The following C9orf153 variants were observed in gnomAD, a reference collection of about 807,000 sequenced individuals.
C9orf153 encodes uncharacterized protein C9orf153.
C9orf153 carries 10 observed loss-of-function variants against 9.0 expected under a neutral mutation model. The ratio of observed to expected loss-of-function variants is 1.11; its 90% CI spans 0.69 to 1.89. The LOEUF is 1.89. C9orf153 is among the 40% of genes most tolerant of loss of function. C9orf153 has a pLI of 0.00. For synonymous variants in C9orf153, 35 were observed against 37.3 expected (o/e 0.94, Z 0.23); for missense variants, 108 against 111.0 (o/e 0.97, Z 0.12).
chr9:86,242,591 T>A (rs537234154), intron 1 of C9orf153, among the ~76,000 whole-genome samples: 1 of 152,336 alleles, frequency 6.6e-6, no homozygotes, highest in South Asian at 2.1e-4. Context: ...TGAGGCCAAA[T>A]ATGTATTTTA....
At chr9:86,241,002 G>A (rs1341382930) in intron 1 of C9orf153, among the ~76,000 whole-genome samples, 1 of 151,624 alleles carries the variant, frequency 6.6e-6, no homozygotes, top group Non-Finnish European at 1.5e-5. Context: ...CCACTGTGCC[G>A]GCCCTAATTT....
At chr9:86,252,449 A>G (rs950880225) in intron 1 of C9orf153, among the ~76,000 whole-genome samples, 2 of 152,238 alleles carry the variant, frequency 1.3e-5, no homozygotes, top group Admixed American at 6.5e-5. Context: ...GACTTATTTT[A>G]CAGTGACCTG....
chr9:86,227,293 C>T (rs779224955), intron 3 of C9orf153: 1 of 1,422,318 alleles, frequency 7.0e-7, no homozygotes, highest in South Asian at 1.6e-5. Context: ...ATTACAGGCA[C>T]ATGCCACCAA....
chr9:86,259,460 C>T (rs1032664670), intron 1 of C9orf153, 90 bp downstream of exon 1: 17 of 152,584 alleles, frequency 1.1e-4, no homozygotes, highest in Admixed American at 1.3e-4. Flanking sequence ...CCACCTCACT[C>T]CATCTCTCCT....
intron 1 of C9orf153, among the ~76,000 whole-genome samples, chr9:86,235,282 C>G (rs1382575579): frequency 1.3e-5 from 2 of 152,028 alleles, no homozygotes; most frequent in Non-Finnish European, 2.9e-5. Context: ...CAAGAATAGA[C>G]AGGTATATAA....
intron 3 of C9orf153, among the ~76,000 whole-genome samples, chr9:86,226,988 A>G (rs533270529): frequency 1.3e-5 from 2 of 152,108 alleles, no homozygotes; most frequent in East Asian, 3.9e-4. Context: ...CTGGTCCCGA[A>G]CTCCTGACCT....
chr9:86,240,244 A>G (rs191067545), intron 1 of C9orf153, among the ~76,000 whole-genome samples: 70 of 152,326 alleles, frequency 4.6e-4, no homozygotes, highest in Middle Eastern at 3.4e-3. Flanking sequence ...CAAAGAGCTT[A>G]TAAGTGGCGA....
intron 1 of C9orf153, among the ~76,000 whole-genome samples, chr9:86,230,722 A>G (rs1824451438): frequency 6.6e-6 from 1 of 152,240 alleles, no homozygotes; most frequent in African/African-American, 2.4e-5. Flanking sequence ...GCTCATATGT[A>G]ATGATAATAA....
intron 1 of C9orf153, among the ~76,000 whole-genome samples, chr9:86,255,890 G>T (rs2131211051): frequency 6.6e-6 from 1 of 152,266 alleles, no homozygotes; most frequent in Admixed American, 6.5e-5. Flanking sequence ...AGCTCATCTG[G>T]CCAGGTCTTA....
At chr9:86,238,538 A>T (rs1824655245) in intron 1 of C9orf153, among the ~76,000 whole-genome samples, 1 of 152,258 alleles carries the variant, frequency 6.6e-6, no homozygotes, top group South Asian at 2.1e-4. Flanking sequence ...ATACATCTAT[A>T]GTGAAGGCTT....
At chr9:86,245,201 A>G (rs1824839327) in intron 1 of C9orf153, among the ~76,000 whole-genome samples, 1 of 152,364 alleles carries the variant, frequency 6.6e-6, no homozygotes, top group East Asian at 1.9e-4. Context: ...TGCTGGGATT[A>G]CAGGCATGAG....
At chr9:86,251,942 C>CACACACACACGA (rs367793280) in intron 1 of C9orf153, among the ~76,000 whole-genome samples, 10 of 149,746 alleles carry the variant, frequency 6.7e-5, no homozygotes, top group African/African-American at 2.0e-4. Flanking sequence ...CACACACACA[C>CACACACACACGA]GAGAGAGAGA....
intron 1 of C9orf153, among the ~76,000 whole-genome samples, chr9:86,236,940 A>C (rs1451176288): frequency 7.7e-6 from 1 of 130,054 alleles, no homozygotes; most frequent in African/African-American, 3.5e-5. Context: ...GTCTCTAAAT[A>C]AAAAAAAAAA....
At chr9:86,226,878 C>T (rs921860072) in intron 3 of C9orf153, among the ~76,000 whole-genome samples, 2 of 152,158 alleles carry the variant, frequency 1.3e-5, no homozygotes, top group Non-Finnish European at 2.9e-5. Flanking sequence ...AATTCTCCTG[C>T]CTCAGCCTCC....
intron 2 of C9orf153, chr9:86,228,876 G>A (rs1182414902): frequency 1.4e-5 from 3 of 219,550 alleles, no homozygotes; most frequent in East Asian, 1.1e-4. Context: ...AAGAGTCTGC[G>A]GCTACAGAGG....
chr9:86,246,369 C>T (rs141545166), intron 1 of C9orf153, among the ~76,000 whole-genome samples: 329 of 152,252 alleles, frequency 2.2e-3, no homozygotes, highest in African/African-American at 7.3e-3. Context: ...AAACCTTCTG[C>T]AGTGCAGCCA....
At chr9:86,243,160 G>A (rs1824786177) in intron 1 of C9orf153, among the ~76,000 whole-genome samples, 1 of 152,212 alleles carries the variant, frequency 6.6e-6, no homozygotes, top group Admixed American at 6.5e-5. Flanking sequence ...TAGTCTCTAT[G>A]GAAAGTGTCT....
At chr9:86,227,748 G>C (rs951815558) in intron 3 of C9orf153, 107 bp downstream of exon 3, 76 of 1,464,864 alleles carry the variant, frequency 5.2e-5, no homozygotes, top group Non-Finnish European at 6.4e-5. Flanking sequence ...GACAGCCTCT[G>C]CTGGGACCTG....
At chr9:86,222,031 A>G (rs60136120) in intron 3 of C9orf153, among the ~76,000 whole-genome samples, 9,824 of 151,864 alleles carry the variant, frequency 0.065, 1,061 homozygotes, top group African/African-American at 0.22. Flanking sequence ...GATGACAGGC[A>G]CCCGCCACCA....
Sources: gnomAD v4.1 joint callset for allele counts (sites outside exome capture counted in the v4.1 genomes callset) on GRCh38, gnomAD v4.1.1 for gene constraint, MANE v1.5 for transcripts, NCBI Gene and HGNC (gene_info 2026-07-23, HGNC 2026-07-21) for gene names.